GOLM1: variants seen among roughly 807,000 people sequenced by gnomAD.
GOLM1 encodes epididymis luminal protein 46.
GOLM1 carries 31 observed loss-of-function variants against 50.5 expected under a neutral mutation model. The observed-to-expected ratio is 0.61, with a 90% confidence interval of 0.46 to 0.83. The LOEUF is 0.83. GOLM1 is among the 40% of genes least tolerant of loss of function. The pLI, the probability that GOLM1 is intolerant of heterozygous loss-of-function variation, is 0.00. For missense variants in GOLM1, 491 were observed against 501.3 expected (o/e 0.98, Z 0.20); for synonymous variants, 178 against 192.8 (o/e 0.92, Z 0.64).
Position 86,046,562 on chromosome 9 carries a change from C to A in GOLM1, c.375G>T (p.Lys125Asn). ...GCCTGCCGTAATTCCTCTGCAGGGT[C>A]TTTAACTGGTCTACACCAAGGGGAC... ...RLIRVLQDQLKTLQRNYGRLQ... is the reference protein window; with the variant it reads ...RLIRVLQDQLNTLQRNYGRLQ... The change falls in exon 5 of 10, where the codon AAG (lysine) becomes AAT (asparagine). Residue 125 changes from lysine (K) to asparagine (N), a missense_variant. Transcript: ENST00000388712. 6.2e-7 allele frequency: 1 copy of A among 1,607,422 alleles called. No homozygotes were observed. The highest frequency in any genetic ancestry group is 1.1e-5 in the South Asian group (1 of 90,528).
intron 9 of GOLM1, among the ~76,000 whole-genome samples, chr9:86,032,574 A>C (rs1447395208): frequency 6.6e-6 from 1 of 152,146 alleles, no homozygotes; most frequent in African/African-American, 2.4e-5. Context: ...CAGGTAATAA[A>C]TGTGCTGTGA....
Position 86,036,415 on chromosome 9 carries a change from G to C in GOLM1, c.690C>G (p.Asn230Lys), listed in dbSNP as rs1382812699. Residue 230 changes from asparagine to lysine, a missense_variant, in exon 7 of 10, where the codon AAC becomes AAG. Asn to Lys is a moderately conservative substitution (Grantham distance 94). Transcript: ENST00000388712. ...VPQGKGNVLG[N>K]SKSQTPAPSS... ...TGGGGGCTGGTGTCTGGGACTTGCT[G>C]TTACCAAGCACGTTTCCCTTCCCTT... The C allele has an allele frequency of 4.3e-6, 7 of 1,614,044 alleles. No individual in the cohort carries two copies. Among genetic ancestry groups the C allele is most frequent in the Admixed American group, 1.7e-5 (1 of 60,004 alleles).
At chr9:86,065,518 T>C (rs1300543666) in intron 3 of GOLM1, among the ~76,000 whole-genome samples, 2 of 152,280 alleles carry the variant, frequency 1.3e-5, no homozygotes, top group East Asian at 1.9e-4. Flanking sequence ...CAAGCAAAGC[T>C]GGCCCAGAGA....
chr9:86,077,328 T>G lies in GOLM1; in HGVS notation c.309+84A>C, dbSNP rs576343263. 400 of 1,105,468 alleles carry G rather than the reference T, an allele frequency of 3.6e-4. 2 individuals carry two copies. In the African/African-American group the frequency reaches 5.8e-3, roughly 16 times the overall value. 68.5% of individuals were successfully genotyped at this position (1,105,468 alleles called of 1,614,324 possible). A position where few individuals can be genotyped will look rare whatever the true frequency, so the allele number is the denominator to read the frequency against. ...TTACATAAATCTAAACCCAGCCGCT[T>G]GCTCATCCTCCCGCCAAGAAGAAAC... On this transcript the variant is annotated intron_variant, in intron 3 of 9. Transcript: ENST00000388712.
intron 4 of GOLM1, among the ~76,000 whole-genome samples, chr9:86,050,562 G>T (rs1303141043): frequency 6.6e-6 from 1 of 152,190 alleles, no homozygotes; most frequent in East Asian, 1.9e-4. Flanking sequence ...TCTATTCAGA[G>T]ATTCAACTTC....
Position 86,060,525 on chromosome 9 carries a change from G to A in GOLM1, c.310-7934C>T, listed in dbSNP as rs148342003. On this transcript the variant is annotated intron_variant, in intron 3 of 9. Coordinates refer to ENST00000388712, the MANE Select transcript of GOLM1 (RefSeq NM_016548.4). ...AGGGACAAGGGCACAAAGTGATGAG[G>A]AAACTAGTCCAGTCCACAAGCCCCT... is the stretch of plus-strand genomic sequence containing the variant. Among the ~76,000 whole-genome samples the A allele has an allele frequency of 2.6e-5, 4 of 152,196 alleles. No individual in the cohort carries two copies. In the East Asian group the frequency reaches 7.7e-4, roughly 29 times the overall value.
At chr9:86,093,607 A>G (rs1234439594) in intron 1 of GOLM1, among the ~76,000 whole-genome samples, 1 of 147,118 alleles carries the variant, frequency 6.8e-6, no homozygotes, top group Non-Finnish European at 1.5e-5. Context: ...CAGAAAAGGA[A>G]AAAACTGCAT....
chr9:86,053,265 G>A (rs1264720148), intron 3 of GOLM1, among the ~76,000 whole-genome samples: 1 of 85,666 alleles, frequency 1.2e-5, no homozygotes, highest in Non-Finnish European at 2.3e-5. Flanking sequence ...ACACCACAAC[G>A]CCAGACCACA....
chr9:86,036,588 A>C, intron 6 of GOLM1, 81 bp from the exon 7 acceptor site: 1 of 1,319,444 alleles, frequency 7.6e-7, no homozygotes. Context: ...AATGCAATGA[A>C]TCCCACCAAT....
chr9:86,062,733 G>A (rs1834198444), intron 3 of GOLM1, among the ~76,000 whole-genome samples: 1 of 151,610 alleles, frequency 6.6e-6, no homozygotes, highest in Non-Finnish European at 1.5e-5. Flanking sequence ...GCAAACGGGG[G>A]GGGCTGCCCT....
intron 4 of GOLM1, 138 bp from the exon 5 acceptor site, chr9:86,046,710 A>G (rs532020120): frequency 5.9e-5 from 39 of 657,716 alleles, no homozygotes; most frequent in Non-Finnish European, 1.1e-4. Flanking sequence ...GGAGAGAGAA[A>G]AAGCTGAAAA....
chr9:86,076,421 CAAAAAAA>C (rs58193076), intron 3 of GOLM1, among the ~76,000 whole-genome samples: 6 of 23,324 alleles, frequency 2.6e-4, no homozygotes, highest in African/African-American at 3.6e-4. Flanking sequence ...AACCCCATCT[CAAAAAAA>C]AAAAAAAAAA....
intron 3 of GOLM1, among the ~76,000 whole-genome samples, chr9:86,069,204 G>T (rs1447123247): frequency 1.3e-5 from 2 of 151,836 alleles, no homozygotes; most frequent in African/African-American, 4.8e-5. Flanking sequence ...AACTACAGGT[G>T]AATTTTTCTT....
At chr9:86,084,492 G>A (rs1364676254) in intron 1 of GOLM1, among the ~76,000 whole-genome samples, 2 of 152,050 alleles carry the variant, frequency 1.3e-5, no homozygotes, top group African/African-American at 2.4e-5. Flanking sequence ...GGAAGTCAAC[G>A]CGTCAGACAT....
Position 86,047,767 on chromosome 9 carries a change from A to C in GOLM1, c.365-1195T>G, listed in dbSNP as rs181167129. Among the ~76,000 whole-genome samples the C allele has an allele frequency of 5.3e-5, 8 of 152,330 alleles. No individual in the cohort carries two copies. The East Asian group carries it at 1.5e-3, about 29-fold the overall frequency. On this transcript the variant is annotated intron_variant, in intron 4 of 9. Transcript: ENST00000388712. The stretch of plus-strand genomic sequence containing the variant: ...AACTCAGCAGTCAAAGAAATGAATG[A>C]CTTGTATCACAGTGACATGGACGAA...
At chr9:86,036,561 C>T (rs905304888) in intron 6 of GOLM1, 54 bp from the exon 7 acceptor site, 16 of 1,580,978 alleles carry the variant, frequency 1.0e-5, no homozygotes, top group African/African-American at 6.8e-5. Flanking sequence ...GAACAGAAGC[C>T]GTAAAAGAAT....
At chr9:86,086,944 T>C (rs1748829649) in intron 1 of GOLM1, among the ~76,000 whole-genome samples, 1 of 152,238 alleles carries the variant, frequency 6.6e-6, no homozygotes, top group Non-Finnish European at 1.5e-5. Context: ...AGCTCTTTTT[T>C]GGTTCCATAT....
Position 86,079,193 on chromosome 9 carries a change from T to A in GOLM1, c.128A>T (p.Gln43Leu). Residue 43 changes from glutamine to leucine, a missense_variant and splice_region_variant, in exon 2 of 10, where the codon CAG becomes CTG. Coordinates refer to ENST00000388712, the MANE Select transcript of GOLM1 (RefSeq NM_016548.4). ...WIASSRSVDL[Q>L]TRIMELEGRV... ...ATAACAATAAAGAAAACAAAACACC[T>A]GGAGGTCCACGCTCCGGGAGCTCGC... The A allele has an allele frequency of 6.4e-7, 1 of 1,562,722 alleles. No homozygotes were observed. Among genetic ancestry groups the A allele is most frequent in the African/African-American group, 1.4e-5 (1 of 72,266 alleles).
intron 1 of GOLM1, among the ~76,000 whole-genome samples, chr9:86,084,108 A>G (rs6559899): frequency 0.24 from 36,749 of 152,178 alleles, 7,538 homozygotes; most frequent in African/African-American, 0.54. Context: ...AACCAACAGC[A>G]AGCTTACTGT....
Sources: gnomAD v4.1 joint callset for allele counts (sites outside exome capture counted in the v4.1 genomes callset) on GRCh38, gnomAD v4.1.1 for gene constraint, MANE v1.5 for transcripts, NCBI Gene and HGNC (gene_info 2026-07-23, HGNC 2026-07-21) for gene names.